The following NEMF variants were observed in gnomAD, a reference collection of about 807,000 sequenced individuals.
The protein encoded by NEMF is ribosome quality control complex subunit NEMF.
A neutral mutation model predicts 162.2 loss-of-function variants in NEMF; 89 were observed. The ratio of observed to expected loss-of-function variants is 0.55; its 90% CI spans 0.46 to 0.65. The LOEUF is 0.65. Ranked by LOEUF, NEMF falls within the 30% of genes least tolerant of loss-of-function variation. The pLI is 0.00. For synonymous variants in NEMF, 421 were observed against 404.5 expected (o/e 1.04, Z -0.49); for missense variants, 1,133 against 1,261.9 (o/e 0.90, Z 1.55).
intron 18 of NEMF, among the ~76,000 whole-genome samples, chr14:49,808,064 G>A (rs994306495): frequency 2.0e-5 from 3 of 152,034 alleles, no homozygotes; most frequent in Non-Finnish European, 4.4e-5. Context: ...TGAAACTTAG[G>A]AATTCTTTGG....
intron 18 of NEMF, among the ~76,000 whole-genome samples, chr14:49,812,597 T>G (rs950539735): frequency 2.6e-5 from 4 of 152,192 alleles, no homozygotes; most frequent in African/African-American, 9.6e-5. Flanking sequence ...ACACACTGTA[T>G]TTTCATTTCG....
At chr14:49,850,079 A>C (rs1388857306) in intron 3 of NEMF, among the ~76,000 whole-genome samples, 1 of 152,104 alleles carries the variant, frequency 6.6e-6, no homozygotes, top group Non-Finnish European at 1.5e-5. Context: ...ATGGAGTTCT[A>C]ATATGTGTCA....
chr14:49,842,567 C>G lies in NEMF; in HGVS notation c.358-1701G>C, dbSNP rs558435142. 3.3e-5 allele frequency among the ~76,000 whole-genome samples: 5 copies of G among 152,340 alleles called. No homozygotes were observed. The South Asian group carries it at 1.0e-3, about 32-fold the overall frequency. On this transcript the variant is annotated intron_variant, in intron 4 of 32. Transcript: ENST00000298310. ...GAAAACAGTCAAAAATGCCTTACAA[C>G]TGTTTACAAGATAGTCACAGAATAC... is the stretch of plus-strand genomic sequence containing the variant.
At chr14:49,813,159 C>G (rs1458633250) in intron 18 of NEMF, among the ~76,000 whole-genome samples, 1 of 152,158 alleles carries the variant, frequency 6.6e-6, no homozygotes, top group East Asian at 1.9e-4. Context: ...CACCCCAAAC[C>G]TGAAAATCCA....
chr14:49,836,542 G>A (rs1451288635), intron 6 of NEMF, among the ~76,000 whole-genome samples: 1 of 151,870 alleles, frequency 6.6e-6, no homozygotes, highest in Non-Finnish European at 1.5e-5. Context: ...AGCTACTTGT[G>A]GGGCTGAGGC....
At chr14:49,827,097 C>T (rs190782787) in intron 15 of NEMF, among the ~76,000 whole-genome samples, 369 of 152,216 alleles carry the variant, frequency 2.4e-3, no homozygotes, top group Non-Finnish European at 4.4e-3. Context: ...GGAGATCTCC[C>T]GTCCTTCTTG....
chr14:49,813,795 G>A (rs771390492), intron 18 of NEMF, among the ~76,000 whole-genome samples, 193 bp downstream of exon 18: 3 of 151,874 alleles, frequency 2.0e-5, no homozygotes, highest in Non-Finnish European at 2.9e-5. Context: ...CTAGAGATGA[G>A]GTTTCACTTT....
intron 7 of NEMF, among the ~76,000 whole-genome samples, chr14:49,833,885 T>C (rs1015940907): frequency 1.6e-4 from 24 of 152,240 alleles, no homozygotes; most frequent in African/African-American, 4.8e-4. Context: ...AAATCATTAC[T>C]AGTATTTTCC....
chr14:49,851,306 A>T (rs1203879197), intron 3 of NEMF, among the ~76,000 whole-genome samples: 1 of 152,252 alleles, frequency 6.6e-6, no homozygotes, highest in Non-Finnish European at 1.5e-5. Context: ...AAGGAACTGT[A>T]AGGCTGAATG....
chr14:49,784,574 C>CT lies in NEMF; in HGVS notation c.*61dup, dbSNP rs1295360936. On this transcript the variant is annotated 3_prime_UTR_variant, in exon 33 of 33. Coordinates refer to ENST00000298310, the MANE Select transcript of NEMF (RefSeq NM_004713.6). ...AAATCCTGATACATGGTGCTTTCAT[C>CT]TTTGAACTTCCAAAAGGCTATAAAA... 31 of 1,174,080 alleles carry CT rather than the reference C, an allele frequency of 2.6e-5. No homozygotes were observed. The highest frequency in any genetic ancestry group is 3.5e-5 in the Non-Finnish European group (28 of 796,878). 72.7% of individuals were successfully genotyped at this position (1,174,080 alleles called of 1,614,324 possible). A position where few individuals can be genotyped will look rare whatever the true frequency, so the allele number is the denominator to read the frequency against.
chr14:49,848,476 T>C (rs145873102), intron 3 of NEMF, among the ~76,000 whole-genome samples: 238 of 152,246 alleles, frequency 1.6e-3, no homozygotes, highest in African/African-American at 5.4e-3. Flanking sequence ...TATCTTACAA[T>C]TGTTTCTAAT....
At chr14:49,818,176 C>T (rs1891815975) in intron 16 of NEMF, 1 of 151,678 alleles carries the variant, frequency 6.6e-6, no homozygotes, top group Non-Finnish European at 1.5e-5. Context: ...CAAGCTCCGC[C>T]TTCTGGGTTC....
intron 28 of NEMF, among the ~76,000 whole-genome samples, chr14:49,788,846 C>A (rs552195364): frequency 1.3e-5 from 2 of 152,090 alleles, no homozygotes; most frequent in Non-Finnish European, 2.9e-5. Flanking sequence ...CGTGAGCCAC[C>A]GTGCCAGGCC....
intron 26 of NEMF, among the ~76,000 whole-genome samples, chr14:49,792,370 C>A (rs1422340750): frequency 6.6e-6 from 1 of 152,088 alleles, no homozygotes; most frequent in Non-Finnish European, 1.5e-5. Flanking sequence ...TCCCACCACA[C>A]CCGGCTAATT....
intron 29 of NEMF, 154 bp from the exon 30 acceptor site, chr14:49,785,474 A>G: frequency 5.0e-6 from 3 of 605,276 alleles, no homozygotes; most frequent in African/African-American, 1.8e-5. Flanking sequence ...TCTGCTTCAT[A>G]GTTCCAAAGA....
At chr14:49,791,895 ACAACTTCGGAAAAC>A (rs1890471170) in intron 26 of NEMF, among the ~76,000 whole-genome samples, 2 of 152,184 alleles carry the variant, frequency 1.3e-5, no homozygotes, top group African/African-American at 2.4e-5. Context: ...CTTAGAAAAT[ACAACTTCGGAAAAC>A]CAACTTCAAA....
At chr14:49,800,729 G>A (rs749509389) in intron 22 of NEMF, 33 bp from the exon 23 acceptor site, 3 of 1,585,170 alleles carry the variant, frequency 1.9e-6, no homozygotes, top group Admixed American at 1.7e-5. Context: ...GTCAGTGTGG[G>A]ACTACCAACC....
chr14:49,827,941 C>G (rs943280574), intron 15 of NEMF, among the ~76,000 whole-genome samples: 2 of 152,054 alleles, frequency 1.3e-5, no homozygotes, highest in African/African-American at 4.8e-5. Context: ...TGATAGGGGA[C>G]TGATCAGTGG....
intron 28 of NEMF, chr14:49,787,074 CAACT>C (rs2139819475): frequency 9.9e-6 from 2 of 201,288 alleles, no homozygotes; most frequent in East Asian, 2.3e-4. Flanking sequence ...TTTAAAATGA[CAACT>C]AAGGTTGATA....
Sources: allele counts gnomAD v4.1 joint callset (sites outside exome capture counted in the v4.1 genomes callset), GRCh38; gene constraint gnomAD v4.1.1; transcripts MANE v1.5; gene names NCBI Gene and HGNC (gene_info 2026-07-23, HGNC 2026-07-21).